Variants in SLCO1B3 observed in about 807,000 individuals in gnomAD.
SLCO1B3 encodes liver-specific organic anion transporter 2.
In SLCO1B3, 72 loss-of-function variants were observed where a neutral mutation model predicts 71.8. That is an observed-to-expected ratio of 1.00 (90% CI 0.83 to 1.22). The LOEUF (loss-of-function observed/expected upper bound fraction) is 1.22, where lower values mean the gene tolerates loss of function less well. Among genes scored for constraint, SLCO1B3 ranks in the 50% most tolerant of loss-of-function variants. The probability of loss-of-function intolerance (pLI) is 0.00; values close to 1 mark genes in which losing one functional copy is unlikely to be tolerated. For synonymous variants in SLCO1B3, 298 were observed against 278.4 expected (o/e 1.07, Z -0.70); for missense variants, 911 against 819.7 (o/e 1.11, Z -1.36).
chr12:20,876,571 CT>C (rs1220917104), intron 9 of SLCO1B3, among the ~76,000 whole-genome samples: 1 of 152,088 alleles, frequency 6.6e-6, no homozygotes, highest in Non-Finnish European at 1.5e-5. Flanking sequence ...TGTGTATTCA[CT>C]CATGAGAGTG....
chr12:20,833,877 T>C (rs1864607507), intron 3 of SLCO1B3, among the ~76,000 whole-genome samples: 1 of 126,320 alleles, frequency 7.9e-6, no homozygotes, highest in African/African-American at 2.5e-5. Flanking sequence ...CTATATATAG[T>C]GTATGTATAC....
Position 20,856,284 on chromosome 12 carries a change from T to G in SLCO1B3, c.226+1115T>G, listed in dbSNP as rs190566022. On this transcript the variant is annotated intron_variant, in intron 4 of 15. Coordinates refer to ENST00000381545, the MANE Select transcript of SLCO1B3 (RefSeq NM_019844.4). ...ACCTCTATTTCTTGAATCCTATGAC[T>G]GCAAATCTCATCTTTACTCTTTCTG... Among the ~76,000 whole-genome samples, 54 of 152,298 alleles carry G rather than the reference T, an allele frequency of 3.5e-4. 1 individual carries two copies. In the Middle Eastern group the frequency reaches 0.027, roughly 77 times the overall value.
At chr12:20,902,154 A>G (rs1866144312) in intron 15 of SLCO1B3, 1 of 236,798 alleles carries the variant, frequency 4.2e-6, no homozygotes, top group Non-Finnish European at 8.4e-6. Context: ...ATAATGGTGA[A>G]AGGATTTATA....
chr12:20,840,515 C>T (rs1864774533), intron 3 of SLCO1B3, among the ~76,000 whole-genome samples: 1 of 151,784 alleles, frequency 6.6e-6, no homozygotes, highest in Non-Finnish European at 1.5e-5. Context: ...CTCAGCCTCC[C>T]AGTAGCTGAG....
At chr12:20,904,755 CTTTTTTTTTTT>C (rs775996155) in intron 15 of SLCO1B3, among the ~76,000 whole-genome samples, 26 of 56,112 alleles carry the variant, frequency 4.6e-4, no homozygotes, top group African/African-American at 2.2e-3. Flanking sequence ...GACATCCAGG[CTTTTTTTTTTT>C]TTTTTTTTTT....
At chr12:20,845,129 A>G in intron 3 of SLCO1B3, 1 of 449,996 alleles carries the variant, frequency 2.2e-6, no homozygotes, top group Non-Finnish European at 4.4e-6. Context: ...ATCCAGCAAG[A>G]CTTAGACTAT....
At chr12:20,901,308 A>G (rs1246285747) in intron 14 of SLCO1B3, 42 bp from the exon 15 acceptor site, 2 of 1,192,258 alleles carry the variant, frequency 1.7e-6, no homozygotes, top group Non-Finnish European at 2.4e-6. Context: ...TTACATTTGA[A>G]GCATTTCACT....
At chr12:20,890,058 A>C (rs1865873098) in intron 13 of SLCO1B3, among the ~76,000 whole-genome samples, 1 of 151,668 alleles carries the variant, frequency 6.6e-6, no homozygotes, top group East Asian at 1.9e-4. Context: ...GCTGGGATTA[A>C]AGACCTGTGC....
At position 20,855,159 on chromosome 12, in the gene SLCO1B3, C is replaced by T. The variant is rs1007686555; in HGVS notation, c.216C>T (p.Ser72=). Residue 72 remains serine, a synonymous_variant, in exon 4 of 16, where the codon AGC becomes AGT. Coordinates refer to ENST00000381545, the MANE Select transcript of SLCO1B3 (RefSeq NM_019844.4). The stretch of plus-strand genomic sequence containing the variant: ...CTCTTGCTGGTTTAATTGATGGAAG[C>T]TTTGAAATTGGTAACTTTTATTTTT... ...SSSLAGLIDG[S]FEIGNLLVIV... is the part of the protein sequence containing the mutation. The T allele has an allele frequency of 5.0e-6, 8 of 1,605,852 alleles. No individual in the cohort carries two copies. The highest frequency in any genetic ancestry group is 2.2e-5 in the East Asian group (1 of 44,814).
intron 3 of SLCO1B3, among the ~76,000 whole-genome samples, chr12:20,833,532 TTATA>T (rs1212930435): frequency 6.9e-6 from 1 of 145,836 alleles, no homozygotes; most frequent in Non-Finnish European, 1.5e-5. Flanking sequence ...CATATATAGT[TTATA>T]TATGTATATT....
In SLCO1B3 at chr12:20,861,012, TACAGTTATAGGTATTCTAAAGAAACCC is replaced by T; in HGVS notation, c.360-3_383del. 1 of 1,563,274 alleles carries T rather than the reference TACAGTTATAGGTATTCTAAAGAAACCC, an allele frequency of 6.4e-7. No individual in the cohort carries two copies. Among genetic ancestry groups the T allele is most frequent in the Middle Eastern group, 1.7e-4 (1 of 5,864 alleles). ...AAAATGTTCAATTTCATGTTGCTCTTACAGTTATAGGTATTCTAAAGAAACCCATATTAATCCATCAGAAAATTCAAC... is the reference window on the plus strand; with the variant it reads ...AAAATGTTCAATTTCATGTTGCTCTTATATTAATCCATCAGAAAATTCAAC... On this transcript the variant is annotated splice_acceptor_variant and splice_polypyrimidine_tract_variant and coding_sequence_variant and intron_variant, in exon 6 of 16. Coordinates refer to ENST00000381545, the MANE Select transcript of SLCO1B3 (RefSeq NM_019844.4). LOFTEE classifies it high-confidence loss of function.
chr12:20,887,777 G>A (rs1865821544), intron 13 of SLCO1B3, among the ~76,000 whole-genome samples: 1 of 151,394 alleles, frequency 6.6e-6, no homozygotes, highest in Non-Finnish European at 1.5e-5. Context: ...CCTTTTGAGG[G>A]TGTAGTCATA....
At chr12:20,874,165 C>A (rs577601152) in intron 8 of SLCO1B3, among the ~76,000 whole-genome samples, 1 of 152,124 alleles carries the variant, frequency 6.6e-6, no homozygotes. Context: ...GGTTCTAGAT[C>A]CTTGAGGAAT....
At chr12:20,903,104 A>G (rs1368177702) in intron 15 of SLCO1B3, among the ~76,000 whole-genome samples, 6 of 151,616 alleles carry the variant, frequency 4.0e-5, no homozygotes, top group Non-Finnish European at 8.8e-5. Flanking sequence ...GCAAACATCA[A>G]ATGCTAGCAA....
chr12:20,825,331 G>A (rs1231965903), intron 3 of SLCO1B3, among the ~76,000 whole-genome samples: 1 of 152,020 alleles, frequency 6.6e-6, no homozygotes, highest in Non-Finnish European at 1.5e-5. Context: ...GACAGTCCCT[G>A]GGATTAGAGG....
intron 3 of SLCO1B3, among the ~76,000 whole-genome samples, chr12:20,850,505 A>G (rs2121206981): frequency 6.6e-6 from 1 of 151,992 alleles, no homozygotes; most frequent in East Asian, 1.9e-4. Flanking sequence ...GATGGTCTCG[A>G]TCTCCTGACC....
chr12:20,821,032 A>G (rs1864293110), intron 3 of SLCO1B3, among the ~76,000 whole-genome samples: 1 of 152,012 alleles, frequency 6.6e-6, no homozygotes, highest in South Asian at 2.1e-4. Context: ...AAGAATTGGG[A>G]ACTAGCTCGG....
intron 3 of SLCO1B3, among the ~76,000 whole-genome samples, chr12:20,819,453 G>A (rs1261070482): frequency 6.6e-6 from 1 of 152,150 alleles, no homozygotes; most frequent in Non-Finnish European, 1.5e-5. Flanking sequence ...GCGAAGAGAG[G>A]CTTGGATGAC....
chr12:20,833,445 CACAT>C (rs1189565554), intron 3 of SLCO1B3, among the ~76,000 whole-genome samples: 1 of 149,074 alleles, frequency 6.7e-6, no homozygotes, highest in Non-Finnish European at 1.5e-5. Flanking sequence ...TATATATACA[CACAT>C]ATATAGTTTG....
Sources: gnomAD v4.1 joint callset for allele counts (sites outside exome capture counted in the v4.1 genomes callset) on GRCh38, gnomAD v4.1.1 for gene constraint, MANE v1.5 for transcripts, NCBI Gene and HGNC (gene_info 2026-07-23, HGNC 2026-07-21) for gene names.